Variants in VWA8 observed in about 807,000 individuals in gnomAD.
VWA8 encodes the protein von Willebrand factor A domain-containing protein 8.
In VWA8, 221 loss-of-function variants were observed where a neutral mutation model predicts 241.5. The observed-to-expected ratio is 0.91, with a 90% CI of 0.82 to 1.02. VWA8 has a LOEUF of 1.02. Ranked by LOEUF, VWA8 falls within the 50% of genes least tolerant of loss-of-function variation. VWA8 has a pLI of 0.00. For synonymous variants in VWA8, 852 were observed against 827.1 expected, an observed-to-expected ratio of 1.03 and a Z score of -0.52; for missense variants, 2,322 against 2,328.7, an observed-to-expected ratio of 1.00 and a Z score of 0.06.
rs151061943 is a variant in VWA8, at chr13:41,737,368, T to A, written c.2427-5213A>T. Reference sequence around the variant, plus strand: ...AATTATCACTAATAAAATAGAGTGGTACTTAGAAAAAGGTGATGTAAACAA... The same window carrying A: ...AATTATCACTAATAAAATAGAGTGGAACTTAGAAAAAGGTGATGTAAACAA... On this transcript the variant is annotated intron_variant, in intron 21 of 44. Coordinates refer to ENST00000379310, the MANE Select transcript of VWA8 (RefSeq NM_015058.2). 2.2e-3 allele frequency among the ~76,000 whole-genome samples: 330 copies of A among 152,346 alleles called. 1 individual carries two copies. The highest frequency in any genetic ancestry group is 7.5e-3 in the African/African-American group (313 of 41,584).
chr13:41,810,439 TA>T (rs1482344582), intron 17 of VWA8, among the ~76,000 whole-genome samples: 1 of 152,182 alleles, frequency 6.6e-6, no homozygotes, highest in East Asian at 1.9e-4. Context: ...TGTTCAGCCA[TA>T]AAAAAGAATG....
chr13:41,905,644 C>CT (rs1440769629), intron 4 of VWA8, among the ~76,000 whole-genome samples: 1 of 152,018 alleles, frequency 6.6e-6, no homozygotes, highest in African/African-American at 2.4e-5. Flanking sequence ...CCTGTTTTGA[C>CT]TTTTAGGACA....
Position 41,701,426 on chromosome 13 carries a change from T to G in VWA8, c.3330A>C (p.Glu1110Asp). 4 of 1,609,240 alleles carry G rather than the reference T, an allele frequency of 2.5e-6. No homozygotes were observed. Among genetic ancestry groups the G allele is most frequent in the Non-Finnish European group, 3.4e-6 (4 of 1,178,382 alleles). Residue 1110 changes from glutamate (E) to aspartate (D), a missense_variant, in exon 28 of 45, where the codon GAA (glutamate) becomes GAC (aspartate). Transcript: ENST00000379310. ...TAGCAATGTCACAGATTATATTAAT[T>G]TCATCCAATGGTATTCTCCATGAGG... ...ECASWRIPLD[E>D]INIICDIATS...
At chr13:41,630,164 T>C (rs745674662) in intron 37 of VWA8, among the ~76,000 whole-genome samples, 13 of 152,208 alleles carry the variant, frequency 8.5e-5, no homozygotes, top group Non-Finnish European at 1.9e-4. Flanking sequence ...CAAATGCCTA[T>C]TAGGGCGACT....
At chr13:41,594,651 C>G (rs908575076) in intron 40 of VWA8, among the ~76,000 whole-genome samples, 2 of 152,160 alleles carry the variant, frequency 1.3e-5, no homozygotes, top group Admixed American at 6.5e-5. Flanking sequence ...GGAGGACACA[C>G]AGCTGATGTT....
chr13:41,848,115 G>A (rs928282817), intron 12 of VWA8, among the ~76,000 whole-genome samples: 2 of 152,176 alleles, frequency 1.3e-5, no homozygotes, highest in Non-Finnish European at 1.5e-5. Flanking sequence ...GCTAAGAAAT[G>A]TGCCATGTTC....
chr13:41,882,559 C>G (rs1446149065), intron 9 of VWA8, among the ~76,000 whole-genome samples: 4 of 152,260 alleles, frequency 2.6e-5, no homozygotes, highest in African/African-American at 4.8e-5. Flanking sequence ...CCCAGCACCC[C>G]GGGAGGCCAA....
At chr13:41,699,367 A>G (rs892225887) in intron 28 of VWA8, 97 bp from the exon 29 acceptor site, 27 of 1,166,572 alleles carry the variant, frequency 2.3e-5, no homozygotes, top group Admixed American at 3.6e-5. Context: ...ACACAGCTGG[A>G]ACAGAGTTGG....
intron 14 of VWA8, among the ~76,000 whole-genome samples, chr13:41,824,884 G>A (rs1341128888): frequency 1.3e-5 from 2 of 151,194 alleles, no homozygotes; most frequent in South Asian, 2.1e-4. Flanking sequence ...GAAGGGGACC[G>A]GAGGGGAGGG....
rs764325943 is a variant in VWA8 at position 41,888,317 on chromosome 13, C to T, written c.652-956G>A. Among the ~76,000 whole-genome samples the T allele has an allele frequency of 5.3e-5, 8 of 152,180 alleles. No homozygotes were observed. In the South Asian group the frequency reaches 6.2e-4, roughly 12 times the overall value. Reference sequence around the variant, plus strand: ...TTGTACACTCTGAGAGAAACGTCCACGGCTTTCAGCAATTCTTCACAGCCC... The same window carrying T: ...TTGTACACTCTGAGAGAAACGTCCATGGCTTTCAGCAATTCTTCACAGCCC... On this transcript the variant is annotated intron_variant, in intron 5 of 44. Coordinates refer to ENST00000379310, the MANE Select transcript of VWA8 (RefSeq NM_015058.2).
chr13:41,692,643 C>CA (rs1316543284), intron 30 of VWA8, among the ~76,000 whole-genome samples: 2 of 152,052 alleles, frequency 1.3e-5, no homozygotes, highest in Non-Finnish European at 2.9e-5. Context: ...GGCAAATCTT[C>CA]ATGCAAGTAT....
intron 40 of VWA8, among the ~76,000 whole-genome samples, chr13:41,597,730 C>T (rs553040523): frequency 1.3e-5 from 2 of 152,148 alleles, no homozygotes; most frequent in East Asian, 3.9e-4. Context: ...TCTTATACTT[C>T]ACAAGTTTAA....
intron 21 of VWA8, among the ~76,000 whole-genome samples, chr13:41,739,058 T>C (rs1007850968): frequency 3.9e-5 from 6 of 152,220 alleles, no homozygotes; most frequent in Non-Finnish European, 5.9e-5. Context: ...TATGGTCTTT[T>C]ATTCAACAAA....
chr13:41,820,549 T>C (rs1870907847), intron 14 of VWA8, among the ~76,000 whole-genome samples: 1 of 152,204 alleles, frequency 6.6e-6, no homozygotes. Context: ...ATGAAAGGCC[T>C]AGATGAAATG....
chr13:41,620,202 G>T (rs1248658315), intron 37 of VWA8, among the ~76,000 whole-genome samples: 1 of 152,096 alleles, frequency 6.6e-6, no homozygotes, highest in East Asian at 1.9e-4. Flanking sequence ...TCTTGGGAGG[G>T]TGTATATATC....
intron 1 of VWA8, chr13:41,955,833 G>GAGCTTGGGTC (rs1286783040): frequency 7.9e-5 from 12 of 152,342 alleles, no homozygotes; most frequent in Admixed American, 3.9e-4. Context: ...CTGAGCAGCT[G>GAGCTTGGGTC]AGCTTGGGTC....
At chr13:41,758,459 A>C (rs2045714965) in intron 21 of VWA8, among the ~76,000 whole-genome samples, 2 of 125,106 alleles carry the variant, frequency 1.6e-5, no homozygotes, top group African/African-American at 3.0e-5. Flanking sequence ...ATATATATGG[A>C]ATATATGGAA....
intron 37 of VWA8, among the ~76,000 whole-genome samples, chr13:41,622,083 C>T (rs1448003336): frequency 6.6e-6 from 1 of 152,166 alleles, no homozygotes; most frequent in Non-Finnish European, 1.5e-5. Flanking sequence ...AATTTTGTGT[C>T]ATTTTATGAA....
rs760821211 is a variant in VWA8 at position 41,950,054 on chromosome 13, A to G, written c.164-41T>C. On this transcript the variant is annotated intron_variant, in intron 1 of 44. Coordinates refer to ENST00000379310, the MANE Select transcript of VWA8 (RefSeq NM_015058.2). ...AAAAACAGAATAATTATAAGAGACA[A>G]ACGAGAAAACCATAGACTATGCAAC... 5 of 1,265,988 alleles carry G rather than the reference A, an allele frequency of 3.9e-6. No homozygotes were observed. In the African/African-American group the frequency reaches 6.1e-5, roughly 15 times the overall value. 78.4% of individuals were successfully genotyped at this position (1,265,988 alleles called of 1,614,324 possible). A position where few individuals can be genotyped will look rare whatever the true frequency, so the allele number is the denominator to read the frequency against.
Sources: allele counts gnomAD v4.1 joint callset (sites outside exome capture counted in the v4.1 genomes callset), GRCh38; gene constraint gnomAD v4.1.1; transcripts MANE v1.5; gene names NCBI Gene and HGNC (gene_info 2026-07-23, HGNC 2026-07-21).